Variants in CAND1 observed in about 807,000 individuals in gnomAD.
CAND1 encodes the protein cullin associated and neddylation dissociated 1.
CAND1 carries 7 observed loss-of-function variants against 108.5 expected under a neutral mutation model. The observed-to-expected ratio is 0.06, with a 90% CI of 0.04 to 0.12. The LOEUF (loss-of-function observed/expected upper bound fraction) is 0.12, where lower values mean the gene tolerates loss of function less well. Ranked by LOEUF, CAND1 falls within the 10% of genes least tolerant of loss-of-function variation. The pLI is 1.00. For synonymous variants in CAND1, 534 were observed against 512.0 expected, an observed-to-expected ratio of 1.04 and a Z score of -0.58; for missense variants, 941 against 1,448.7, an observed-to-expected ratio of 0.65 and a Z score of 5.69.
At chr12:67,279,537 T>C (rs557671824) in intron 1 of CAND1, among the ~76,000 whole-genome samples, 1 of 152,340 alleles carries the variant, frequency 6.6e-6, no homozygotes, top group East Asian at 1.9e-4. Flanking sequence ...AATCTACTTT[T>C]TCTGCTTTTT....
chr12:67,280,742 C>T (rs1485858432), intron 1 of CAND1, among the ~76,000 whole-genome samples: 5 of 152,116 alleles, frequency 3.3e-5, no homozygotes, highest in African/African-American at 1.2e-4. Context: ...GCCGTTTATA[C>T]CTTATTTTAC....
At position 67,306,005 on chromosome 12, in the gene CAND1, G is replaced by C. The variant is rs1346063319; in HGVS notation, c.2337G>C (p.Leu779=). 6.2e-7 allele frequency: 1 copy of C among 1,614,136 alleles called. No homozygotes were observed. The highest frequency in any genetic ancestry group is 8.5e-7 in the Non-Finnish European group (1 of 1,180,016). The change falls in exon 10 of 15, where the codon CTG becomes CTC. Residue 779 remains leucine (L), a synonymous_variant. Transcript: ENST00000545606. ...NLGYMDLLRM[L]TGPVYSQSTA... is the part of the protein sequence containing the mutation. ...GATACATGGATTTGTTGCGCATGCT[G>C]ACTGGTCCAGTTTACTCTCAGAGCA...
intron 1 of CAND1, among the ~76,000 whole-genome samples, chr12:67,278,738 C>T (rs1039416116): frequency 1.3e-4 from 20 of 151,384 alleles, no homozygotes; most frequent in African/African-American, 4.6e-4. Flanking sequence ...AGGCTGGTGT[C>T]GAACTCCTGA....
chr12:67,306,216 G>T lies in CAND1; in HGVS notation c.2548G>T (p.Asp850Tyr). The T allele has an allele frequency of 6.2e-7, 1 of 1,614,076 alleles. No homozygotes were observed. Among genetic ancestry groups the T allele is most frequent in the South Asian group, 1.1e-5 (1 of 91,076 alleles). ...TCTTGGAGAAGTTGGGCATCATATT[G>T]ACTTAAGTGGACAGTTGGAACTAAA... ...LSLGEVGHHI[D>Y]LSGQLELKSV... The change falls in exon 10 of 15, where the codon GAC (aspartate) becomes TAC (tyrosine). Residue 850 changes from aspartate to tyrosine, a missense_variant. Transcript: ENST00000545606.
Position 67,312,647 on chromosome 12 carries a change from T to C in CAND1, c.3510T>C (p.Asp1170=), listed in dbSNP as rs2044963773. 5.6e-6 allele frequency: 9 copies of C among 1,611,484 alleles called. No individual in the cohort carries two copies. The highest frequency in any genetic ancestry group is 3.3e-5 in the South Asian group (3 of 90,580). Residue 1170 remains aspartate (D), a synonymous_variant, in exon 15 of 15, where the codon GAT becomes GAC. Coordinates refer to ENST00000545606, the MANE Select transcript of CAND1 (RefSeq NM_018448.5). ...NSVKQEFEKQ[D]ELKRSAMRAV... ...TAAAGCAGGAGTTTGAAAAACAAGA[T>C]GAATTAAAGCGATCTGCCATGAGAG...
chr12:67,307,418 C>T lies in CAND1; in HGVS notation c.2951C>T (p.Ser984Leu). Residue 984 changes from serine (S) to leucine (L), a missense_variant, in exon 11 of 15, where the codon TCA becomes TTA. Physicochemically the swap from Ser to Leu is moderately radical, Grantham distance 145. Around this residue, in one of 9 missense-constraint regions of CAND1, gnomAD observed 106 missense variants for 182.0 expected, o/e 0.58. Transcript: ENST00000545606. ...LISGSSYARSSVVTAVKFTIS... is the reference protein window; with the variant it reads ...LISGSSYARSLVVTAVKFTIS... ...CTAGGCTCATCATATGCCCGAAGCT[C>T]AGTGGTTACGGCTGTGAAATTTACA... 6.2e-7 allele frequency: 1 copy of T among 1,611,428 alleles called. No homozygotes were observed. The highest frequency in any genetic ancestry group is 8.5e-7 in the Non-Finnish European group (1 of 1,178,452).
chr12:67,292,832 C>T (rs2044734826), intron 3 of CAND1, 56 bp downstream of exon 3: 1 of 1,570,768 alleles, frequency 6.4e-7, no homozygotes, highest in Admixed American at 1.7e-5. Flanking sequence ...TATTTCTCCC[C>T]ACCCTTTTTT....
At position 67,274,413 on chromosome 12, in the gene CAND1, G is replaced by A. The variant is rs1471069481; in HGVS notation, c.68+4628G>A. On this transcript the variant is annotated intron_variant, in intron 1 of 14. Coordinates refer to ENST00000545606, the MANE Select transcript of CAND1 (RefSeq NM_018448.5). Reference sequence around the variant, plus strand: ...TCTAGATAGAAAGTGAAAATGTAAAGCACACGATACAAAACTTCACTGGGG... The same window carrying A: ...TCTAGATAGAAAGTGAAAATGTAAAACACACGATACAAAACTTCACTGGGG... Among the ~76,000 whole-genome samples the A allele has an allele frequency of 6.6e-5, 10 of 152,178 alleles. No individual in the cohort carries two copies. The East Asian group carries it at 1.9e-3, about 29-fold the overall frequency.
intron 1 of CAND1, among the ~76,000 whole-genome samples, chr12:67,271,450 A>G (rs2135985974): frequency 1.3e-5 from 2 of 152,312 alleles, no homozygotes; most frequent in South Asian, 4.1e-4. Context: ...TTATAATAAT[A>G]CAATTTTGTT....
At position 67,272,604 on chromosome 12, in the gene CAND1, A is replaced by G. The variant is rs145993405; in HGVS notation, c.68+2819A>G. Among the ~76,000 whole-genome samples, 194 of 152,294 alleles carry G rather than the reference A, an allele frequency of 1.3e-3. 1 individual carries two copies. Among genetic ancestry groups the G allele is most frequent in the African/African-American group, 4.5e-3 (185 of 41,530 alleles). On this transcript the variant is annotated intron_variant, in intron 1 of 14. Transcript: ENST00000545606. ...TGCATTATTTAAAAATGAGATATTA[A>G]GACTTAGGAGAAATGGGGAAGCATT...
Position 67,311,744 on chromosome 12 carries a change from G to T in CAND1, c.3412G>T (p.Val1138Leu). 1 of 1,612,436 alleles carries T rather than the reference G, an allele frequency of 6.2e-7. No homozygotes were observed. The highest frequency in any genetic ancestry group is 8.5e-7 in the Non-Finnish European group (1 of 1,178,602). ...VRLSTLCPSA[V>L]LQRLDRLVEP... ...ACTGTCTACCCTTTGTCCAAGTGCAGTACTGCAGAGGTTGGACCGACTTGT... is the reference window on the plus strand; with the variant it reads ...ACTGTCTACCCTTTGTCCAAGTGCATTACTGCAGAGGTTGGACCGACTTGT... The change falls in exon 14 of 15, where the codon GTA (valine) becomes TTA (leucine). Residue 1138 changes from valine (V) to leucine (L), a missense_variant. Physicochemically the swap from Val to Leu is conservative, Grantham distance 32 (BLOSUM62 1). Around this residue, in one of 9 missense-constraint regions of CAND1, gnomAD observed 22 missense variants for 24.4 expected, o/e 0.90. Transcript: ENST00000545606.
intron 2 of CAND1, among the ~76,000 whole-genome samples, chr12:67,284,300 A>G (rs1250118456): frequency 6.6e-6 from 1 of 152,094 alleles, no homozygotes; most frequent in African/African-American, 2.4e-5. Flanking sequence ...AAAGAAAACT[A>G]TAGATTAGCT....
In CAND1 at chr12:67,306,557, A is replaced by G. The variant is rs1592623819; in HGVS notation, c.2889A>G (p.Pro963=). The change falls in exon 10 of 15, where the codon CCA becomes CCG. Residue 963 remains proline (P), a synonymous_variant. Transcript: ENST00000545606. Reference sequence around the variant, plus strand: ...TAGGAAAACTCACTCTAATTGATCCAGAAACTCTCCTTCCACGGCTTAAGG... The same window carrying G: ...TAGGAAAACTCACTCTAATTGATCCGGAAACTCTCCTTCCACGGCTTAAGG... ...ECLGKLTLID[P]ETLLPRLKGY... 1 of 1,613,810 alleles carries G rather than the reference A, an allele frequency of 6.2e-7. No individual in the cohort carries two copies. The highest frequency in any genetic ancestry group is 8.5e-7 in the Non-Finnish European group (1 of 1,179,782).
chr12:67,299,104 A>G lies in CAND1; in HGVS notation c.1000+9A>G. ...TGATGATGATGATCAAGGTATTGCA[A>G]ATTAAATAGAATCTTTTGAGTTTTT... On this transcript the variant is annotated intron_variant, in intron 7 of 14. Coordinates refer to ENST00000545606, the MANE Select transcript of CAND1 (RefSeq NM_018448.5). 6.6e-7 allele frequency: 1 copy of G among 1,510,176 alleles called. No individual in the cohort carries two copies. The highest frequency in any genetic ancestry group is 2.4e-5 in the East Asian group (1 of 41,028). The allele number at this position is 1,510,176 out of a possible 1,614,324, so 93.5% of individuals were successfully genotyped here. A position where few individuals can be genotyped will look rare whatever the true frequency, so the allele number is the denominator to read the frequency against.
chr12:67,270,000 TG>T, intron 1 of CAND1: 1 of 511,298 alleles, frequency 2.0e-6, no homozygotes, highest in Non-Finnish European at 3.4e-6. Flanking sequence ...CCTAGGCAGT[TG>T]CCCGCCGCGG....
Position 67,307,413 on chromosome 12 carries a change from A to C in CAND1, c.2946A>C (p.Arg982=). Residue 982 remains arginine, a synonymous_variant, in exon 11 of 15, where the codon CGA becomes CGC. Transcript: ENST00000545606. ...TTTAACTAGGCTCATCATATGCCCG[A>C]AGCTCAGTGGTTACGGCTGTGAAAT... The part of the protein sequence containing the change: ...GYLISGSSYA[R]SSVVTAVKFT... The C allele has an allele frequency of 3.7e-6, 6 of 1,611,350 alleles. No homozygotes were observed. Among genetic ancestry groups the C allele is most frequent in the Non-Finnish European group, 5.1e-6 (6 of 1,178,420 alleles).
chr12:67,299,747 A>G (rs1054695995), intron 7 of CAND1, among the ~76,000 whole-genome samples: 3 of 152,184 alleles, frequency 2.0e-5, no homozygotes, highest in African/African-American at 7.2e-5. Context: ...CTTCAAGGAC[A>G]TAGGGGTTGC....
chr12:67,288,316 C>T (rs113304540), intron 2 of CAND1, among the ~76,000 whole-genome samples: 14,721 of 151,588 alleles, frequency 0.097, 1,384 homozygotes, highest in African/African-American at 0.25. Flanking sequence ...TTTGTAGAGA[C>T]AGGGTTTCAC....
chr12:67,307,644 AT>A, intron 11 of CAND1, 152 bp downstream of exon 11: 1 of 605,276 alleles, frequency 1.7e-6, no homozygotes, highest in Admixed American at 2.9e-5. Context: ...CTTTTAACAA[AT>A]TGCATTTGCC....
Sources: allele counts gnomAD v4.1 joint callset (sites outside exome capture counted in the v4.1 genomes callset), GRCh38; gene constraint gnomAD v4.1.1; regional missense constraint gnomAD v4.1.1; transcripts MANE v1.5; gene names NCBI Gene and HGNC (gene_info 2026-07-23, HGNC 2026-07-21).